The following ACADL variants were observed in gnomAD, a reference collection of about 807,000 sequenced individuals.
ACADL encodes long-chain specific acyl-CoA dehydrogenase, mitochondrial.
ACADL carries 60 observed loss-of-function variants against 56.9 expected under a neutral mutation model. That is an observed-to-expected ratio of 1.05 (90% CI 0.86 to 1.31). The LOEUF is 1.31. ACADL is among the 50% of genes most tolerant of loss of function. The probability of loss-of-function intolerance (pLI) is 0.00; values close to 1 mark genes in which losing one functional copy is unlikely to be tolerated. For synonymous variants in ACADL, 158 were observed against 179.7 expected, an observed-to-expected ratio of 0.88 and a Z score of 0.97; for missense variants, 484 against 525.5, an observed-to-expected ratio of 0.92 and a Z score of 0.77.
chr2:210,210,133 G>T, intron 5 of ACADL, 63 bp downstream of exon 5: 2 of 1,218,012 alleles, frequency 1.6e-6, no homozygotes, highest in South Asian at 1.2e-5. Context: ...AGTTGTCTTT[G>T]AGACATTGTT....
chr2:210,191,009 C>T (rs1688625593), intron 10 of ACADL, among the ~76,000 whole-genome samples: 1 of 151,100 alleles, frequency 6.6e-6, no homozygotes, highest in African/African-American at 2.4e-5. Context: ...CTCCGCCTCT[C>T]GGGTTAGAGC....
intron 8 of ACADL, among the ~76,000 whole-genome samples, chr2:210,199,725 A>G (rs980117034): frequency 5.3e-5 from 8 of 152,076 alleles, no homozygotes; most frequent in Non-Finnish European, 7.4e-5. Context: ...GGCTAAAGGT[A>G]TATTTTTGTT....
intron 2 of ACADL, 53 bp downstream of exon 2, chr2:210,220,594 G>T: frequency 6.6e-7 from 1 of 1,519,240 alleles, no homozygotes; most frequent in Non-Finnish European, 9.1e-7. Flanking sequence ...TCTAGGAAAT[G>T]GTCCTATAAT....
intron 7 of ACADL, 21 bp downstream of exon 7, chr2:210,204,560 G>A: frequency 6.8e-7 from 1 of 1,469,742 alleles, no homozygotes; most frequent in Non-Finnish European, 9.5e-7. Context: ...TCAAAAGATG[G>A]AATCTTTAAA....
chr2:210,189,183 A>AT, intron 10 of ACADL, 129 bp from the exon 11 acceptor site: 1 of 654,618 alleles, frequency 1.5e-6, no homozygotes, highest in South Asian at 1.8e-5. Flanking sequence ...TAAATTACTT[A>AT]TTTTTTCAAT....
At chr2:210,191,494 C>T (rs1019850703) in intron 10 of ACADL, among the ~76,000 whole-genome samples, 1 of 152,258 alleles carries the variant, frequency 6.6e-6, no homozygotes, top group East Asian at 1.9e-4. Context: ...TTCTCCCCAC[C>T]TAATAGGCCT....
intron 5 of ACADL, among the ~76,000 whole-genome samples, chr2:210,208,652 T>C (rs10172429): frequency 1.2e-3 from 186 of 152,322 alleles, no homozygotes; most frequent in African/African-American, 4.4e-3. Flanking sequence ...AAGTACATAA[T>C]ACAACTATCA....
At chr2:210,194,779 T>A (rs72990873) in intron 9 of ACADL, among the ~76,000 whole-genome samples, 2 of 152,294 alleles carry the variant, frequency 1.3e-5, no homozygotes, top group Non-Finnish European at 2.9e-5. Flanking sequence ...ATTATAGTTA[T>A]TTAATAAAAG....
At chr2:210,189,226 A>AC (rs1182289484) in intron 10 of ACADL, among the ~76,000 whole-genome samples, 172 bp from the exon 11 acceptor site, 1 of 151,850 alleles carries the variant, frequency 6.6e-6, no homozygotes, top group Non-Finnish European at 1.5e-5. Context: ...ATAATAGTAA[A>AC]AAAAACTATT....
chr2:210,224,566 ACT>A (rs1689235117), intron 1 of ACADL: 3 of 985,318 alleles, frequency 3.0e-6, no homozygotes, highest in Non-Finnish European at 3.6e-6. Flanking sequence ...AACTACTTAG[ACT>A]CTGTCTTCAT....
intron 10 of ACADL, among the ~76,000 whole-genome samples, chr2:210,189,354 T>C (rs2125707172): frequency 6.6e-6 from 1 of 152,250 alleles, no homozygotes; most frequent in African/African-American, 2.4e-5. Flanking sequence ...GCACATATGA[T>C]AACACTCTTA....
chr2:210,205,332 T>G (rs1307709341), intron 6 of ACADL, among the ~76,000 whole-genome samples: 10 of 152,164 alleles, frequency 6.6e-5, no homozygotes, highest in Admixed American at 2.6e-4. Flanking sequence ...GGCCACACTT[T>G]ATTTTTATTT....
At chr2:210,197,036 C>T (rs1184690243) in intron 8 of ACADL, among the ~76,000 whole-genome samples, 1 of 152,152 alleles carries the variant, frequency 6.6e-6, no homozygotes, top group Non-Finnish European at 1.5e-5. Context: ...TTGATACTTA[C>T]CATTTCTGGA....
chr2:210,203,160 C>CTAAG (rs1261372224), intron 8 of ACADL, among the ~76,000 whole-genome samples, 171 bp downstream of exon 8: 1 of 152,168 alleles, frequency 6.6e-6, no homozygotes, highest in Non-Finnish European at 1.5e-5. Context: ...GGACTGTGTC[C>CTAAG]TAAGACCACT....
chr2:210,196,946 G>T (rs6739874), intron 8 of ACADL, among the ~76,000 whole-genome samples: 2,473 of 152,210 alleles, frequency 0.016, 66 homozygotes, highest in African/African-American at 0.056. Flanking sequence ...GAAGATACAT[G>T]GTCTGCTTTT....
In ACADL at chr2:210,225,218, G is replaced by A. The variant is rs747459863; in HGVS notation, c.46C>T (p.His16Tyr). 23 of 1,546,158 alleles carry A rather than the reference G, an allele frequency of 1.5e-5. No homozygotes were observed. Among genetic ancestry groups the A allele is most frequent in the Non-Finnish European group, 1.9e-5 (22 of 1,151,942 alleles). Reference sequence around the variant, plus strand: ...GCGGGCAGCTGGCGCGGCGCACGGTGGCCGCCCAGGACGCGTAGGGACCCT... The same window carrying A: ...GCGGGCAGCTGGCGCGGCGCACGGTAGCCGCCCAGGACGCGTAGGGACCCT... ...LRGSLRVLGG[H>Y]RAPRQLPAAR... The change falls in exon 1 of 11, where the codon CAC (histidine) becomes TAC (tyrosine). Residue 16 changes from histidine (H) to tyrosine (Y), a missense_variant. Physicochemically the swap from His to Tyr is moderately conservative, Grantham distance 83. Transcript: ENST00000233710.
chr2:210,204,747 A>G lies in ACADL; in HGVS notation c.769-65T>C. The G allele has an allele frequency of 1.3e-5, 16 of 1,250,228 alleles. No homozygotes were observed. The South Asian group carries it at 2.0e-4, about 15-fold the overall frequency. 77.4% of individuals were successfully genotyped at this position (1,250,228 alleles called of 1,614,324 possible). A position where few individuals can be genotyped will look rare whatever the true frequency, so the allele number is the denominator to read the frequency against. ...TAAATCTTCCAATAACCCAGTGAATATTGAAGTGAATATTATTTTTTCCAA... is the reference window on the plus strand; with the variant it reads ...TAAATCTTCCAATAACCCAGTGAATGTTGAAGTGAATATTATTTTTTCCAA... On this transcript the variant is annotated intron_variant, in intron 6 of 10. Coordinates refer to ENST00000233710, the MANE Select transcript of ACADL (RefSeq NM_001608.4).
intron 2 of ACADL, 84 bp downstream of exon 2, chr2:210,220,563 C>T (rs1689158303): frequency 2.3e-6 from 3 of 1,277,554 alleles, no homozygotes; most frequent in Non-Finnish European, 3.4e-6. Context: ...ACTATGTTTT[C>T]TGTATAGCAA....
Position 210,192,803 on chromosome 2 carries a change from C to G in ACADL, c.1199+1G>C. ...AGAGTGTATCAGAAAACTATACTTA[C>G]TTTGCAATTGGGTACTCCCACATGT... On this transcript the variant is annotated splice_donor_variant, in intron 10 of 10. Transcript: ENST00000233710. LOFTEE classifies it high-confidence loss of function. 6.2e-7 allele frequency: 1 copy of G among 1,609,812 alleles called. No homozygotes were observed. The highest frequency in any genetic ancestry group is 8.5e-7 in the Non-Finnish European group (1 of 1,176,192).
Sources: allele counts gnomAD v4.1 joint callset (sites outside exome capture counted in the v4.1 genomes callset), GRCh38; gene constraint gnomAD v4.1.1; transcripts MANE v1.5; gene names NCBI Gene and HGNC (gene_info 2026-07-23, HGNC 2026-07-21).